Variants in RXRA observed in about 807,000 individuals in gnomAD.
The protein encoded by RXRA is retinoic acid receptor RXR-alpha.
RXRA carries 5 observed loss-of-function variants against 44.5 expected under a neutral mutation model. That is an observed-to-expected ratio of 0.11 (90% CI 0.06 to 0.24). The LOEUF is 0.24. Ranked by LOEUF, RXRA falls within the 10% of genes least tolerant of loss-of-function variation. The pLI is 1.00. For synonymous variants in RXRA, 291 were observed against 271.4 expected (o/e 1.07, Z -0.71); for missense variants, 412 against 646.5 (o/e 0.64, Z 3.93).
chr9:134,409,626 T>C (rs1831115291), intron 4 of RXRA, among the ~76,000 whole-genome samples: 1 of 152,198 alleles, frequency 6.6e-6, no homozygotes, highest in African/African-American at 2.4e-5. Flanking sequence ...TGTCAAGTCA[T>C]CCAGCCAGAC....
chr9:134,426,808 G>C lies in RXRA; in HGVS notation c.911-2300G>C. ...GACTGGCCAGGGATGGTGGGTTTGG[G>C]GCCAGTTGTGCCCCAGCCCAGATCT... On this transcript the variant is annotated intron_variant, in intron 6 of 9. Transcript: ENST00000481739. The surrounding 1 kb of genome is among the most constrained non-coding windows in gnomAD (Gnocchi z 4.6). The C allele has an allele frequency of 1.0e-6, 1 of 985,380 alleles. No individual in the cohort carries two copies. The highest frequency in any genetic ancestry group is 1.7e-5 in the African/African-American group (1 of 57,330). 61.0% of individuals were successfully genotyped at this position (985,380 alleles called of 1,614,324 possible).
At chr9:134,359,076 G>A (rs1326371518) in intron 1 of RXRA, among the ~76,000 whole-genome samples, 1 of 152,184 alleles carries the variant, frequency 6.6e-6, no homozygotes, top group South Asian at 2.1e-4. Flanking sequence ...GAAGGCCAGG[G>A]TGTAGCCAGG....
intron 4 of RXRA, among the ~76,000 whole-genome samples, chr9:134,411,721 AAC>A (rs1364426538): frequency 6.6e-6 from 1 of 152,196 alleles, no homozygotes. Flanking sequence ...TCTCGCCCCA[AAC>A]ACAGCTGCAG....
chr9:134,350,019 C>T (rs1174066991), intron 1 of RXRA, among the ~76,000 whole-genome samples: 2 of 151,790 alleles, frequency 1.3e-5, no homozygotes, highest in African/African-American at 2.4e-5. Flanking sequence ...CTTTCCAGAG[C>T]ACTTGCTGGC....
At chr9:134,392,205 T>C in intron 1 of RXRA, among the ~76,000 whole-genome samples, 1 of 152,216 alleles carries the variant, frequency 6.6e-6, no homozygotes, top group East Asian at 1.9e-4. Context: ...GGTCACGCCC[T>C]TTCCGTGACT....
chr9:134,401,096 A>G (rs1267913246), intron 1 of RXRA, among the ~76,000 whole-genome samples: 1 of 152,168 alleles, frequency 6.6e-6, no homozygotes, highest in African/African-American at 2.4e-5. Flanking sequence ...GTAAAATGGG[A>G]GAATCATGGT....
At chr9:134,340,055 C>G (rs1420227171) in intron 1 of RXRA, among the ~76,000 whole-genome samples, 1 of 152,044 alleles carries the variant, frequency 6.6e-6, no homozygotes, top group Non-Finnish European at 1.5e-5. Context: ...GTCCCTCTGT[C>G]CCTGTCCCTG....
chr9:134,422,355 C>T (rs1231724051), intron 6 of RXRA: 2 of 1,276,510 alleles, frequency 1.6e-6, no homozygotes, highest in African/African-American at 1.5e-5. Flanking sequence ...TCCCGGGACA[C>T]ACTCCCCGCT....
chr9:134,387,344 G>A (rs536697317), intron 1 of RXRA, among the ~76,000 whole-genome samples: 29 of 152,252 alleles, frequency 1.9e-4, no homozygotes, highest in Non-Finnish European at 4.0e-4. Flanking sequence ...CGCTCTCGGC[G>A]CCCACGGTAC....
intron 6 of RXRA, chr9:134,423,327 C>A (rs1831379451): frequency 1.0e-6 from 1 of 985,440 alleles, no homozygotes; most frequent in African/African-American, 1.7e-5. Flanking sequence ...GCCGGGTGTC[C>A]CAGCTGCCTA....
intron 1 of RXRA, among the ~76,000 whole-genome samples, chr9:134,355,619 G>T (rs750494760): frequency 1.7e-4 from 26 of 152,080 alleles, no homozygotes; most frequent in Non-Finnish European, 3.4e-4. Flanking sequence ...ACTGTCCACA[G>T]ACAGGTTTTC....
At chr9:134,391,486 G>T (rs994677357) in intron 1 of RXRA, among the ~76,000 whole-genome samples, 1 of 152,156 alleles carries the variant, frequency 6.6e-6, no homozygotes. Context: ...CAGGCTGGGG[G>T]CCCCCTCGCC....
chr9:134,340,519 G>A (rs1457663325), intron 1 of RXRA, among the ~76,000 whole-genome samples: 1 of 152,180 alleles, frequency 6.6e-6, no homozygotes, highest in Non-Finnish European at 1.5e-5. Context: ...TGGGGCTCAC[G>A]TGGCACCGGC....
intron 1 of RXRA, among the ~76,000 whole-genome samples, chr9:134,395,158 C>T (rs993133908): frequency 5.9e-5 from 9 of 152,240 alleles, no homozygotes; most frequent in Non-Finnish European, 1.0e-4. Flanking sequence ...AGGAGCCTGT[C>T]TGTGCTGGCT....
intron 7 of RXRA, among the ~76,000 whole-genome samples, chr9:134,431,649 C>T (rs1489655344): frequency 1.3e-5 from 2 of 152,202 alleles, no homozygotes; most frequent in Non-Finnish European, 2.9e-5. Flanking sequence ...AATAAAGCCC[C>T]GCAGGCAGAC....
At chr9:134,360,254 G>A (rs905795964) in intron 1 of RXRA, among the ~76,000 whole-genome samples, 2 of 152,192 alleles carry the variant, frequency 1.3e-5, no homozygotes, top group African/African-American at 4.8e-5. Flanking sequence ...TTCCCTGGAG[G>A]CTGCACTGCC....
intron 1 of RXRA, among the ~76,000 whole-genome samples, chr9:134,385,651 C>T (rs1486872131): frequency 6.6e-6 from 1 of 152,220 alleles, no homozygotes; most frequent in Non-Finnish European, 1.5e-5. Flanking sequence ...GCGGTGGTGG[C>T]CCCCGAACAA....
At chr9:134,375,666 C>T (rs895947060) in intron 1 of RXRA, among the ~76,000 whole-genome samples, 18 of 152,256 alleles carry the variant, frequency 1.2e-4, no homozygotes, top group Admixed American at 1.1e-3. Flanking sequence ...CAGGTGGGCC[C>T]GGGGCCGGCA....
intron 1 of RXRA, among the ~76,000 whole-genome samples, chr9:134,393,468 C>T (rs377089055): frequency 2.0e-5 from 3 of 152,346 alleles, no homozygotes; most frequent in Admixed American, 6.5e-5. Flanking sequence ...TGCCCCTTAG[C>T]GCCTGGGGCA....
Sources: allele counts gnomAD v4.1 joint callset (sites outside exome capture counted in the v4.1 genomes callset), GRCh38; gene constraint gnomAD v4.1.1; non-coding constraint Gnocchi (gnomAD v3.1); transcripts MANE v1.5; gene names NCBI Gene and HGNC (gene_info 2026-07-23, HGNC 2026-07-21).